Variants in GMDS observed in about 807,000 individuals in gnomAD.
The protein encoded by GMDS is GDP-mannose 4,6-dehydratase.
GMDS carries 20 observed loss-of-function variants against 49.9 expected under a neutral mutation model. The ratio of observed to expected loss-of-function variants is 0.40; its 90% confidence interval spans 0.28 to 0.58. The LOEUF (loss-of-function observed/expected upper bound fraction) is 0.58, where lower values mean the gene tolerates loss of function less well. GMDS is among the 20% of genes least tolerant of loss of function. GMDS has a pLI of 0.42. For synonymous variants in GMDS, 177 were observed against 178.6 expected, an observed-to-expected ratio of 0.99 and a Z score of 0.07; for missense variants, 362 against 481.4, an observed-to-expected ratio of 0.75 and a Z score of 2.32.
At chr6:2,162,962 CA>C (rs1359059098) in intron 1 of GMDS, among the ~76,000 whole-genome samples, 1 of 152,262 alleles carries the variant, frequency 6.6e-6, no homozygotes, top group East Asian at 1.9e-4. Context: ...TCTGGGACTA[CA>C]TCAAAAAATA....
chr6:1,670,768 T>C (rs1318349414), intron 9 of GMDS, among the ~76,000 whole-genome samples: 1 of 152,268 alleles, frequency 6.6e-6, no homozygotes, highest in Non-Finnish European at 1.5e-5. Flanking sequence ...GTTTTCATTC[T>C]GCATTCCATA....
intron 4 of GMDS, among the ~76,000 whole-genome samples, chr6:2,074,332 T>C (rs1179094764): frequency 6.6e-6 from 1 of 152,218 alleles, no homozygotes; most frequent in Non-Finnish European, 1.5e-5. Context: ...ATTGTCCATT[T>C]ATGGGCTTTG....
intron 4 of GMDS, among the ~76,000 whole-genome samples, chr6:2,017,418 C>A (rs1398835365): frequency 6.6e-6 from 1 of 152,124 alleles, no homozygotes; most frequent in East Asian, 1.9e-4. Flanking sequence ...CAGCAATTCT[C>A]CTGCCTCAGC....
chr6:1,699,078 G>A (rs150295545), intron 9 of GMDS, among the ~76,000 whole-genome samples: 1 of 152,074 alleles, frequency 6.6e-6, no homozygotes, highest in Non-Finnish European at 1.5e-5. Context: ...AGATCTCTTA[G>A]TGTCCATGTG....
chr6:2,168,352 C>G (rs114061413), intron 1 of GMDS, among the ~76,000 whole-genome samples: 44 of 152,318 alleles, frequency 2.9e-4, no homozygotes, highest in African/African-American at 9.6e-4. Flanking sequence ...ATGCGCACCA[C>G]TTTAAGGCCT....
chr6:1,945,257 C>G (rs1443914238), intron 6 of GMDS, among the ~76,000 whole-genome samples: 1 of 151,960 alleles, frequency 6.6e-6, no homozygotes, highest in East Asian at 1.9e-4. Context: ...TTTTGAGGTT[C>G]TTTATAACTG....
intron 4 of GMDS, among the ~76,000 whole-genome samples, chr6:1,993,135 T>G (rs1270074088): frequency 6.6e-6 from 1 of 151,690 alleles, no homozygotes; most frequent in Non-Finnish European, 1.5e-5. Context: ...TCCCATCTCC[T>G]CTCCCTTGCC....
intron 9 of GMDS, among the ~76,000 whole-genome samples, chr6:1,657,975 C>T (rs575225844): frequency 3.3e-5 from 5 of 152,176 alleles, no homozygotes; most frequent in Non-Finnish European, 7.3e-5. Flanking sequence ...CTCTACAGGC[C>T]TGCCTTGCGT....
At chr6:1,912,437 A>T (rs1400669015) in intron 7 of GMDS, among the ~76,000 whole-genome samples, 5 of 152,208 alleles carry the variant, frequency 3.3e-5, no homozygotes, top group South Asian at 4.1e-4. Context: ...AGTTCTTTCT[A>T]TGTGATAGGT....
At chr6:1,709,334 A>G (rs34891280) in intron 9 of GMDS, among the ~76,000 whole-genome samples, 4,924 of 152,288 alleles carry the variant, frequency 0.032, 102 homozygotes, top group Middle Eastern at 0.079. Flanking sequence ...CTGGGAGGAA[A>G]GTTGCAGAGG....
rs188558675 is a variant in GMDS, at chr6:2,137,031, C to T, written c.103-12300G>A. Among the ~76,000 whole-genome samples, 865 of 152,072 alleles carry T rather than the reference C, an allele frequency of 5.7e-3. 2 individuals carry two copies. The highest frequency in any genetic ancestry group is 0.017 in the Middle Eastern group (5 of 290). On this transcript the variant is annotated intron_variant, in intron 1 of 10. Coordinates refer to ENST00000380815, the MANE Select transcript of GMDS (RefSeq NM_001500.4). ...CTCTTGTGTCAAGTCAGTATTAACA[C>T]TGGATTCAAAGGAATATTTGCATAA...
chr6:1,789,296 C>T (rs143019391), intron 7 of GMDS, among the ~76,000 whole-genome samples: 1 of 152,264 alleles, frequency 6.6e-6, no homozygotes, highest in South Asian at 2.1e-4. Context: ...TGGCCGTATG[C>T]TGACCTCACT....
At chr6:1,989,712 C>T (rs1324209588) in intron 4 of GMDS, among the ~76,000 whole-genome samples, 2 of 152,200 alleles carry the variant, frequency 1.3e-5, no homozygotes, top group Non-Finnish European at 2.9e-5. Context: ...TCTGATGCTA[C>T]CCCTCGGCCT....
chr6:2,002,311 A>T lies in GMDS; in HGVS notation c.346-41345T>A, dbSNP rs149204794. ...TTATCCTATTGGAAGGAAATAATCAACAAAAGTTATGTATCAGGTGGTGGC... is the reference window on the plus strand; with the variant it reads ...TTATCCTATTGGAAGGAAATAATCATCAAAAGTTATGTATCAGGTGGTGGC... On this transcript the variant is annotated intron_variant, in intron 4 of 10. Transcript: ENST00000380815. Among the ~76,000 whole-genome samples, 668 of 152,342 alleles carry T rather than the reference A, an allele frequency of 4.4e-3. 9 individuals carry two copies. The highest frequency in any genetic ancestry group is 0.037 in the Middle Eastern group (11 of 294).
chr6:2,014,640 A>C (rs1175834262), intron 4 of GMDS, among the ~76,000 whole-genome samples: 2 of 152,124 alleles, frequency 1.3e-5, no homozygotes, highest in Non-Finnish European at 2.9e-5. Flanking sequence ...AGAAGGCAAG[A>C]ATAGAGAGGA....
intron 7 of GMDS, among the ~76,000 whole-genome samples, chr6:1,875,317 TAC>T (rs56053544): frequency 0.069 from 10,292 of 150,036 alleles, 422 homozygotes; most frequent in South Asian, 0.13. Context: ...TTTTTGTATT[TAC>T]ACACACACAC....
At chr6:1,732,921 T>C (rs1766867652) in intron 8 of GMDS, among the ~76,000 whole-genome samples, 1 of 152,170 alleles carries the variant, frequency 6.6e-6, no homozygotes, top group South Asian at 2.1e-4. Context: ...AAGTAGCAGA[T>C]GTGAGTGACA....
chr6:2,029,181 T>C (rs572789744), intron 4 of GMDS, among the ~76,000 whole-genome samples: 3 of 152,252 alleles, frequency 2.0e-5, no homozygotes, highest in South Asian at 2.1e-4. Context: ...AATTTAATTG[T>C]GGACATCACC....
At chr6:1,902,786 CAAATT>C (rs1167084822) in intron 7 of GMDS, among the ~76,000 whole-genome samples, 1 of 152,152 alleles carries the variant, frequency 6.6e-6, no homozygotes, top group Admixed American at 6.5e-5. Context: ...TCTGATCACT[CAAATT>C]AAACCATAAT....
Sources: allele counts gnomAD v4.1 joint callset (sites outside exome capture counted in the v4.1 genomes callset), GRCh38; gene constraint gnomAD v4.1.1; transcripts MANE v1.5; gene names NCBI Gene and HGNC (gene_info 2026-07-23, HGNC 2026-07-21).